The following AP2A2 variants were observed in gnomAD, a reference collection of about 807,000 sequenced individuals.
AP2A2 encodes the protein adaptor related protein complex 2 subunit alpha 2, also known as AP-2 complex subunit alpha-2.
In AP2A2, 32 loss-of-function variants were observed where a neutral mutation model predicts 104.2. That is an observed-to-expected ratio of 0.31 (90% CI 0.23 to 0.41). AP2A2 has a LOEUF of 0.41. Among genes scored for constraint, AP2A2 ranks in the 10% least tolerant of loss-of-function variants. AP2A2 has a pLI of 1.00. For missense variants in AP2A2, 912 were observed against 1,261.0 expected (o/e 0.72, Z 4.19); for synonymous variants, 539 against 533.3 (o/e 1.01, Z -0.15).
chr11:925,985 G>A lies in AP2A2; in HGVS notation c.-37G>A. 2 of 1,382,034 alleles carry A rather than the reference G, an allele frequency of 1.4e-6. No individual in the cohort carries two copies. Among genetic ancestry groups the A allele is most frequent in the East Asian group, 3.2e-5 (1 of 30,998 alleles). The allele number at this position is 1,382,034 out of a possible 1,614,324, so 85.6% of individuals were successfully genotyped here. Reference sequence around the variant, plus strand: ...TCCCGCTCCCCGCGCTCCTCCGCCCGGGTCCGCCAGCCGAGGCCGCTCCCG... The same window carrying A: ...TCCCGCTCCCCGCGCTCCTCCGCCCAGGTCCGCCAGCCGAGGCCGCTCCCG... On this transcript the variant is annotated 5_prime_UTR_variant, in exon 1 of 22. Coordinates refer to ENST00000448903, the MANE Select transcript of AP2A2 (RefSeq NM_012305.4).
chr11:956,734 A>C (rs1439718487), intron 1 of AP2A2: 4 of 152,196 alleles, frequency 2.6e-5, no homozygotes, highest in Non-Finnish European at 5.9e-5. Flanking sequence ...GTGTACTGAA[A>C]GTTTGATTGT....
At chr11:934,791 G>A (rs533354513) in intron 1 of AP2A2, among the ~76,000 whole-genome samples, 12 of 152,158 alleles carry the variant, frequency 7.9e-5, no homozygotes, top group African/African-American at 2.9e-4. Context: ...TTTATGTTTT[G>A]CTTTTTCTGT....
chr11:964,151 C>G (rs1854535357), intron 2 of AP2A2, among the ~76,000 whole-genome samples: 1 of 152,222 alleles, frequency 6.6e-6, no homozygotes, highest in African/African-American at 2.4e-5. Flanking sequence ...TGTCAGTGAG[C>G]CAGTCCTCTT....
Position 992,246 on chromosome 11 carries a change from G to A in AP2A2, c.1270-257G>A, listed in dbSNP as rs1357037250. On this transcript the variant is annotated intron_variant, in intron 10 of 21. Coordinates refer to ENST00000448903, the MANE Select transcript of AP2A2 (RefSeq NM_012305.4). The surrounding 1 kb of genome is among the most constrained non-coding windows in gnomAD (Gnocchi z 6.4). ...TGGGAGAGAAGGGCCCAGGTGGGAG[G>A]TGGCCTGGCTGTGGCCGTGGCCTTC... is the stretch of plus-strand genomic sequence containing the variant. Among the ~76,000 whole-genome samples, 1 of 152,150 alleles carries A rather than the reference G, an allele frequency of 6.6e-6. No homozygotes were observed. The highest frequency in any genetic ancestry group is 1.5e-5 in the Non-Finnish European group (1 of 68,018).
At chr11:1,008,622 A>C (rs1856294070) in intron 18 of AP2A2, 1 of 203,552 alleles carries the variant, frequency 4.9e-6, no homozygotes, top group Non-Finnish European at 9.9e-6. Flanking sequence ...CAGTGACTAC[A>C]AATAGCGTGG....
In AP2A2 at chr11:992,549, C is replaced by G. The variant is rs369618672; in HGVS notation, c.1316C>G (p.Thr439Ser). Residue 439 changes from threonine (T) to serine (S), a missense_variant, in exon 11 of 22, where the codon ACC becomes AGC. By Grantham distance (58) the Thr-to-Ser change is moderately conservative. Around this residue, in one of 7 missense-constraint regions of AP2A2, gnomAD observed 350 missense variants for 487.0 expected, o/e 0.72. Coordinates refer to ENST00000448903, the MANE Select transcript of AP2A2 (RefSeq NM_012305.4). This position sits in a 1 kb window ranked among gnomAD's most constrained non-coding sequence, Gnocchi z 6.4. Reference sequence around the variant, plus strand: ...GCTGAGAAGTACGCGGTGGACTACACCTGGTATGTGGATACCATCTTGAAC... The same window carrying G: ...GCTGAGAAGTACGCGGTGGACTACAGCTGGTATGTGGATACCATCTTGAAC... ...ILAEKYAVDY[T>S]WYVDTILNLI... The G allele has an allele frequency of 6.8e-6, 11 of 1,612,326 alleles. No homozygotes were observed. The highest frequency in any genetic ancestry group is 1.1e-5 in the South Asian group (1 of 90,750).
intron 21 of AP2A2, 79 bp from the exon 22 acceptor site, chr11:1,010,469 G>A (rs1433917213): frequency 4.1e-6 from 5 of 1,215,568 alleles, no homozygotes; most frequent in Non-Finnish European, 5.9e-6. Context: ...GGCCCACAGG[G>A]TTCTGCATGG....
At chr11:943,341 T>G (rs11246351) in intron 1 of AP2A2, 77,200 of 152,144 alleles carry the variant, frequency 0.51, 20,213 homozygotes, top group Middle Eastern at 0.66. Flanking sequence ...TGCATGCACC[T>G]GTAATTAGAA....
chr11:940,126 G>A (rs1853596689), intron 1 of AP2A2, among the ~76,000 whole-genome samples: 2 of 151,564 alleles, frequency 1.3e-5, no homozygotes, highest in African/African-American at 4.8e-5. Context: ...GTTAATTTTT[G>A]TGTTTTTTGT....
At chr11:983,663 G>C (rs76638359) in intron 6 of AP2A2, among the ~76,000 whole-genome samples, 5 of 152,068 alleles carry the variant, frequency 3.3e-5, no homozygotes, top group Admixed American at 6.6e-5. Context: ...GATTACAGGC[G>C]GGAGCCACCG....
rs1589943390 is a variant in AP2A2, at chr11:936,062, T to C, written c.67+9974T>C. Among the ~76,000 whole-genome samples the C allele has an allele frequency of 4.7e-5, 7 of 148,606 alleles. 1 individual carries two copies. Among genetic ancestry groups the C allele is most frequent in the Admixed American group, 4.7e-4 (7 of 14,924 alleles). On this transcript the variant is annotated intron_variant, in intron 1 of 21. Transcript: ENST00000448903. ...GACTACAGGCGCCCACCACCACGCC[T>C]GCCTAATTTTTTTTTTTTTTATTTT... is the stretch of plus-strand genomic sequence containing the variant.
rs145152664 is a variant in AP2A2, at chr11:986,559, C to T, written c.963-226C>T. Among the ~76,000 whole-genome samples the T allele has an allele frequency of 6.4e-3, 974 of 152,282 alleles. 30 individuals carry two copies. The highest frequency in any genetic ancestry group is 0.052 in the Admixed American group (790 of 15,300). On this transcript the variant is annotated intron_variant, in intron 8 of 21. Coordinates refer to ENST00000448903, the MANE Select transcript of AP2A2 (RefSeq NM_012305.4). ...CCAGTGGACACACGGGCTGCTGACT[C>T]ACTGTGGGGATGCACAGGATGGACA... is the stretch of plus-strand genomic sequence containing the variant.
At chr11:935,682 A>G (rs1231166731) in intron 1 of AP2A2, among the ~76,000 whole-genome samples, 1 of 132,720 alleles carries the variant, frequency 7.5e-6, no homozygotes, top group Non-Finnish European at 1.5e-5. Flanking sequence ...ATCTCGGCTT[A>G]CTGCAACCTT....
chr11:930,120 C>CAAAA (rs1157025547), intron 1 of AP2A2, among the ~76,000 whole-genome samples: 3 of 51,962 alleles, frequency 5.8e-5, no homozygotes, highest in Non-Finnish European at 3.9e-5. Context: ...GACTCTGTCT[C>CAAAA]AAAAAAAAAA....
intron 2 of AP2A2, among the ~76,000 whole-genome samples, chr11:960,854 T>C (rs1319192370): frequency 6.6e-6 from 1 of 151,854 alleles, no homozygotes; most frequent in Admixed American, 6.6e-5. Context: ...GACGGGGGTT[T>C]CTCCATGTTG....
At chr11:965,647 C>G (rs1052979871) in intron 2 of AP2A2, among the ~76,000 whole-genome samples, 1 of 152,184 alleles carries the variant, frequency 6.6e-6, no homozygotes, top group Non-Finnish European at 1.5e-5. Context: ...ACAGCAGGCC[C>G]GTCCAGATCT....
At chr11:977,481 C>T (rs1248514143) in intron 5 of AP2A2, among the ~76,000 whole-genome samples, 2 of 149,584 alleles carry the variant, frequency 1.3e-5, no homozygotes, top group South Asian at 2.2e-4. Flanking sequence ...AGCTGAGACA[C>T]GTGTCTCCTG....
At position 1,008,185 on chromosome 11, in the gene AP2A2, C is replaced by T. The variant is rs540842315; in HGVS notation, c.2420+50C>T. The T allele has an allele frequency of 6.8e-5, 105 of 1,539,306 alleles. No homozygotes were observed. In the Admixed American group the frequency reaches 2.0e-3, roughly 29 times the overall value. On this transcript the variant is annotated intron_variant, in intron 18 of 21. Transcript: ENST00000448903. The stretch of plus-strand genomic sequence containing the variant: ...GCCAAGGGGTGTGTGGGCGCCTGAG[C>T]TGTGTGCCTGGGCTCCATGACTGTG...
At chr11:1,004,238 C>G (rs942339513) in intron 16 of AP2A2, among the ~76,000 whole-genome samples, 2 of 152,134 alleles carry the variant, frequency 1.3e-5, no homozygotes, top group East Asian at 3.8e-4. Context: ...GTTGGGAGGC[C>G]GAGGCAGGCA....
Sources: allele counts gnomAD v4.1 joint callset (sites outside exome capture counted in the v4.1 genomes callset), GRCh38; gene constraint gnomAD v4.1.1; regional missense constraint gnomAD v4.1.1; non-coding constraint Gnocchi (gnomAD v3.1); transcripts MANE v1.5; gene names NCBI Gene and HGNC (gene_info 2026-07-23, HGNC 2026-07-21).